Variants in USP49 observed in about 807,000 individuals in gnomAD.
USP49 encodes the protein ubiquitin carboxyl-terminal hydrolase 49.
A neutral mutation model predicts 58.6 loss-of-function variants in USP49; 24 were observed. The observed-to-expected ratio is 0.41, with a 90% CI of 0.30 to 0.58. The LOEUF is 0.58. Among genes scored for constraint, USP49 ranks in the 20% least tolerant of loss-of-function variants. USP49 has a pLI of 0.30. For synonymous variants in USP49, 408 were observed against 365.1 expected, an observed-to-expected ratio of 1.12 and a Z score of -1.34; for missense variants, 703 against 866.1, an observed-to-expected ratio of 0.81 and a Z score of 2.36.
At chr6:41,880,818 G>A (rs1774590743) in intron 2 of USP49, among the ~76,000 whole-genome samples, 1 of 152,116 alleles carries the variant, frequency 6.6e-6, no homozygotes, top group Admixed American at 6.6e-5. Context: ...AAAACAGGGG[G>A]TTCTCCGTAA....
At chr6:41,821,494 C>T (rs1773452367) in intron 3 of USP49, among the ~76,000 whole-genome samples, 1 of 152,162 alleles carries the variant, frequency 6.6e-6, no homozygotes, top group Non-Finnish European at 1.5e-5. Flanking sequence ...AGTCCGAGGC[C>T]GGGCATGGTA....
At chr6:41,884,363 T>C (rs1774671443) in intron 2 of USP49, among the ~76,000 whole-genome samples, 1 of 152,096 alleles carries the variant, frequency 6.6e-6, no homozygotes, top group Non-Finnish European at 1.5e-5. Flanking sequence ...CTGAAAAAAG[T>C]AAAAACCAGA....
chr6:41,845,045 C>T (rs545700813), intron 3 of USP49, among the ~76,000 whole-genome samples: 42 of 152,156 alleles, frequency 2.8e-4, no homozygotes, highest in Admixed American at 2.6e-3. Context: ...GGATTACAGG[C>T]ACACGCCACT....
chr6:41,850,218 G>A lies in USP49; in HGVS notation c.-29+21346C>T, dbSNP rs550003045. Among the ~76,000 whole-genome samples, 264 of 152,124 alleles carry A rather than the reference G, an allele frequency of 1.7e-3. 1 individual carries two copies. Among genetic ancestry groups the A allele is most frequent in the African/African-American group, 5.7e-3 (237 of 41,522 alleles). ...AGCACTTTGGGAGGCCAAGGTGGGC[G>A]GATCACCTGAGGTCAGGAGTTCAAG... On this transcript the variant is annotated intron_variant, in intron 3 of 7. Coordinates refer to ENST00000682992, the MANE Select transcript of USP49 (RefSeq NM_001286554.2).
At position 41,857,773 on chromosome 6, in the gene USP49, C is replaced by A. The variant is rs574338357; in HGVS notation, c.-29+13791G>T. 8.5e-5 allele frequency among the ~76,000 whole-genome samples: 13 copies of A among 152,232 alleles called. No individual in the cohort carries two copies. In the East Asian group the frequency reaches 1.7e-3, roughly 20 times the overall value. The stretch of plus-strand genomic sequence containing the variant: ...ATCCACCTGATTAGACTTTGAAGTC[C>A]TTAAGACCCGGAATAATGAGCCTGT... On this transcript the variant is annotated intron_variant, in intron 3 of 7. Transcript: ENST00000682992.
Position 41,857,425 on chromosome 6 carries a change from G to A in USP49, c.-29+14139C>T, listed in dbSNP as rs1316087900. ...TTTGGGAGGCCAAGGCAGGTGCATC[G>A]CTTAAGCTCAGGAGTTCAAGACCAG... On this transcript the variant is annotated intron_variant, in intron 3 of 7. Transcript: ENST00000682992. 4.6e-5 allele frequency among the ~76,000 whole-genome samples: 7 copies of A among 152,200 alleles called. No individual in the cohort carries two copies. The South Asian group carries it at 6.2e-4, about 14-fold the overall frequency.
intron 2 of USP49, among the ~76,000 whole-genome samples, chr6:41,888,449 T>TTTTG (rs959354526): frequency 1.3e-5 from 2 of 152,158 alleles, no homozygotes; most frequent in South Asian, 4.2e-4. Context: ...AGTGCTGTTT[T>TTTTG]TTTGTTTGTT....
In USP49 at chr6:41,791,929, A is replaced by G. The variant is rs1262267279; in HGVS notation, c.*4604T>C. On this transcript the variant is annotated 3_prime_UTR_variant, in exon 8 of 8. Coordinates refer to ENST00000682992, the MANE Select transcript of USP49 (RefSeq NM_001286554.2). ...TGGTTAAAAAATTAAGTGGCCCTGG[A>G]AAGTTTTACCCCAAAGATACAACTT... 6.6e-6 allele frequency: 1 copy of G among 152,238 alleles called. No individual in the cohort carries two copies. Among genetic ancestry groups the G allele is most frequent in the Non-Finnish European group, 1.5e-5 (1 of 68,040 alleles). The allele number at this position is 152,238 out of a possible 1,614,324, so 9.4% of individuals were successfully genotyped here.
chr6:41,888,437 C>T (rs1774754765), intron 2 of USP49, among the ~76,000 whole-genome samples: 1 of 151,842 alleles, frequency 6.6e-6, no homozygotes, highest in South Asian at 2.1e-4. Context: ...AAGAAGCCCA[C>T]AAGTGCTGTT....
chr6:41,843,157 A>G (rs538221402), intron 3 of USP49, among the ~76,000 whole-genome samples: 1 of 152,306 alleles, frequency 6.6e-6, no homozygotes, highest in South Asian at 2.1e-4. Flanking sequence ...CTACAGGCGT[A>G]GGCCACCACG....
chr6:41,837,219 G>A (rs1041097645), intron 3 of USP49, among the ~76,000 whole-genome samples: 10 of 152,196 alleles, frequency 6.6e-5, no homozygotes, highest in Middle Eastern at 3.4e-3. Context: ...ATACTTTAAG[G>A]CTACAGTCAC....
At chr6:41,845,398 C>T (rs1773904899) in intron 3 of USP49, among the ~76,000 whole-genome samples, 1 of 151,930 alleles carries the variant, frequency 6.6e-6, no homozygotes, top group Non-Finnish European at 1.5e-5. Flanking sequence ...TGGTGGCGCA[C>T]ACCTGTGGCT....
chr6:41,822,271 A>G lies in USP49; in HGVS notation c.-28-15260T>C, dbSNP rs778368117. ...CATGGCTGAAGAGGGCTTTCCACAC[A>G]TGGTCATTTGTATGGCAGACACATA... On this transcript the variant is annotated intron_variant, in intron 3 of 7. Transcript: ENST00000682992. 2.0e-4 allele frequency among the ~76,000 whole-genome samples: 30 copies of G among 152,206 alleles called. 1 individual carries two copies. The highest frequency in any genetic ancestry group is 7.3e-5 in the Non-Finnish European group (5 of 68,032).
In USP49 at chr6:41,822,621, G is replaced by C. The variant is rs77555890; in HGVS notation, c.-28-15610C>G. Among the ~76,000 whole-genome samples the C allele has an allele frequency of 4.3e-3, 649 of 152,252 alleles. 7 individuals are homozygous for C. Among genetic ancestry groups the C allele is most frequent in the African/African-American group, 0.015 (615 of 41,526 alleles). On this transcript the variant is annotated intron_variant, in intron 3 of 7. Transcript: ENST00000682992. ...CTAGCACTTTGGGAGGCCGACGTGG[G>C]CGGATCACGAGGTCAAGAAATCAAG...
chr6:41,801,485 C>T (rs1772996618), intron 5 of USP49, among the ~76,000 whole-genome samples: 1 of 152,278 alleles, frequency 6.6e-6, no homozygotes, highest in East Asian at 1.9e-4. Flanking sequence ...GTAGTCGTCA[C>T]AATACGTGGG....
chr6:41,794,976 G>A lies in USP49; in HGVS notation c.*1557C>T, dbSNP rs1290861854. 2 of 152,196 alleles carry A rather than the reference G, an allele frequency of 1.3e-5. No individual in the cohort carries two copies. The highest frequency in any genetic ancestry group is 3.8e-4 in the East Asian group (2 of 5,198). The allele number at this position is 152,196 out of a possible 1,614,324, so 9.4% of individuals were successfully genotyped here. On this transcript the variant is annotated 3_prime_UTR_variant, in exon 8 of 8. Transcript: ENST00000682992. ...CAGCAAATGCTACAGATCTGTGTGG[G>A]AAATGTGGCTCATCAACATTGCTAA...
At chr6:41,801,316 T>C (rs1772993318) in intron 5 of USP49, among the ~76,000 whole-genome samples, 1 of 152,192 alleles carries the variant, frequency 6.6e-6, no homozygotes, top group Non-Finnish European at 1.5e-5. Flanking sequence ...CAGCTGGGCA[T>C]CTGATTCCAA....
chr6:41,869,977 G>C (rs936971457), intron 3 of USP49, among the ~76,000 whole-genome samples: 3 of 152,084 alleles, frequency 2.0e-5, no homozygotes, highest in Non-Finnish European at 2.9e-5. Context: ...TAGTCTAGCA[G>C]CATACTCAGA....
In USP49 at chr6:41,791,260, C is replaced by T. The variant is rs977757388; in HGVS notation, c.*5273G>A. On this transcript the variant is annotated 3_prime_UTR_variant, in exon 8 of 8. Transcript: ENST00000682992. ...CCATAATTATGGTTGAGTAAGGATT[C>T]ATTTATTTATTTATTAAATTTTTAT... 2 of 152,108 alleles carry T rather than the reference C, an allele frequency of 1.3e-5. No homozygotes were observed. Among genetic ancestry groups the T allele is most frequent in the Admixed American group, 6.6e-5 (1 of 15,244 alleles). The allele number at this position is 152,108 out of a possible 1,614,324, so 9.4% of individuals were successfully genotyped here. A position where few individuals can be genotyped will look rare whatever the true frequency, so the allele number is the denominator to read the frequency against.
Sources: gnomAD v4.1 joint callset for allele counts (sites outside exome capture counted in the v4.1 genomes callset) on GRCh38, gnomAD v4.1.1 for gene constraint, MANE v1.5 for transcripts, NCBI Gene and HGNC (gene_info 2026-07-23, HGNC 2026-07-21) for gene names.